Variants in ZNF584 observed in about 807,000 individuals in gnomAD.
ZNF584 encodes the protein zinc finger protein 584.
ZNF584 carries 12 observed loss-of-function variants against 14.7 expected under a neutral mutation model. The observed-to-expected ratio is 0.82, with a 90% CI of 0.52 to 1.32. The LOEUF (loss-of-function observed/expected upper bound fraction) is 1.32. Among genes scored for constraint, ZNF584 ranks in the 40% most tolerant of loss-of-function variants. ZNF584 has a pLI of 0.00. For missense variants in ZNF584, 478 were observed against 518.8 expected, an observed-to-expected ratio of 0.92 and a Z score of 0.76; for synonymous variants, 204 against 190.9, an observed-to-expected ratio of 1.07 and a Z score of -0.57.
chr19:58,410,232 C>T (rs1161059075), intron 2 of ZNF584, 141 bp downstream of exon 2: 4 of 1,112,786 alleles, frequency 3.6e-6, no homozygotes, highest in Non-Finnish European at 3.7e-6. Context: ...TGGTGGGACT[C>T]GGTGGTGGGA....
At chr19:58,411,654 T>A (rs895513192) in intron 2 of ZNF584, among the ~76,000 whole-genome samples, 2 of 152,178 alleles carry the variant, frequency 1.3e-5, no homozygotes, top group Admixed American at 1.3e-4. Flanking sequence ...GATTGCCTTT[T>A]CTTTTTTTGA....
At chr19:58,413,512 A>ATT (rs766038598) in intron 2 of ZNF584, among the ~76,000 whole-genome samples, 6 of 135,934 alleles carry the variant, frequency 4.4e-5, no homozygotes, top group Non-Finnish European at 3.2e-5. Context: ...TGCCTGGCTA[A>ATT]TTTTTTTTTT....
intron 1 of ZNF584, 45 bp downstream of exon 1, chr19:58,409,210 G>C: frequency 7.1e-7 from 1 of 1,398,770 alleles, no homozygotes; most frequent in Non-Finnish European, 9.4e-7. Context: ...CCACCAGGTG[G>C]GGGGCGGCGT....
chr19:58,408,494 A>G (rs2052495649), upstream of ZNF584: 1 of 151,034 alleles, frequency 6.6e-6, no homozygotes, highest in African/African-American at 2.4e-5. Context: ...CAGCGCCGAA[A>G]GCCGACGCCG....
upstream of ZNF584, chr19:58,404,445 A>G (rs1476211732): frequency 6.4e-6 from 1 of 155,164 alleles, no homozygotes; most frequent in East Asian, 1.9e-4. Flanking sequence ...CTTAAGGAGC[A>G]TGCTGCCTTC....
intron 2 of ZNF584, among the ~76,000 whole-genome samples, chr19:58,410,705 GTA>G (rs1187721284): frequency 2.3e-5 from 1 of 42,830 alleles, no homozygotes; most frequent in Non-Finnish European, 3.8e-5. Flanking sequence ...ATATATATAT[GTA>G]TATATGTGTA....
rs1340373210 is a variant in ZNF584 at position 58,410,557 on chromosome 19, A to ATATATG, written c.169+467_169+468insATATGT. ...TATATATATATATATATATATATAT[A>ATATATG]TGTGTATATATATATGTATATATAT... On this transcript the variant is annotated intron_variant, in intron 2 of 3. Transcript: ENST00000306910. 2.7e-3 allele frequency among the ~76,000 whole-genome samples: 71 copies of ATATATG among 25,992 alleles called. 9 individuals are homozygous for ATATATG. In the East Asian group the frequency reaches 0.035, roughly 13 times the overall value. The allele number at this position is 25,992 out of a possible 152,430, so 17.1% of individuals were successfully genotyped here.
At chr19:58,409,670 C>T (rs1329462238) in intron 1 of ZNF584, among the ~76,000 whole-genome samples, 2 of 152,178 alleles carry the variant, frequency 1.3e-5, no homozygotes, top group Non-Finnish European at 2.9e-5. Flanking sequence ...TCAGTCTGGT[C>T]ACCAACCTGA....
At chr19:58,406,471 G>A (rs1221894943), upstream of ZNF584, 1 of 152,528 alleles carries the variant, frequency 6.6e-6, no homozygotes, top group Admixed American at 6.5e-5. Context: ...AGAAAGAGGG[G>A]ACAGGGTACA....
At chr19:58,412,199 C>G (rs1255653323) in intron 2 of ZNF584, among the ~76,000 whole-genome samples, 1 of 83,934 alleles carries the variant, frequency 1.2e-5, no homozygotes, top group Non-Finnish European at 2.1e-5. Flanking sequence ...CCAGGGTGGT[C>G]TTTTTTTTTT....
chr19:58,416,139 C>T (rs907210489), intron 3 of ZNF584: 3 of 569,776 alleles, frequency 5.3e-6, no homozygotes, highest in African/African-American at 3.7e-5. Context: ...ATCTTGTGCC[C>T]TCATCTCAGT....
rs1221994267 is a variant in ZNF584 at position 58,416,998 on chromosome 19, A to C, written c.480A>C (p.Lys160Asn). The C allele has an allele frequency of 1.2e-6, 2 of 1,611,020 alleles. No homozygotes were observed. Among genetic ancestry groups the C allele is most frequent in the African/African-American group, 2.7e-5 (2 of 74,842 alleles). ...TCCATGTGGCAGAGAAGCTGTTCAA[A>C]TGCAGTGACTGTGGGAAGGTGTTCT... Reference protein sequence around the residue: ...QEVHVAEKLFKCSDCGKVFLK... With the variant: ...QEVHVAEKLFNCSDCGKVFLK... The change falls in exon 4 of 4, where the codon AAA becomes AAC. Residue 160 changes from lysine to asparagine, a missense_variant. This residue lies in a region of ZNF584 where 6 missense variants were observed against 23.5 expected (regional missense o/e 0.26). Coordinates refer to ENST00000306910, the MANE Select transcript of ZNF584 (RefSeq NM_173548.3).
chr19:58,410,557 A>ATATATATATATATATGTG, intron 2 of ZNF584, among the ~76,000 whole-genome samples: 2 of 26,004 alleles, frequency 7.7e-5, no homozygotes, highest in South Asian at 8.1e-4. Flanking sequence ...ATATATATAT[A>ATATATATATATATATGTG]TGTGTATATA....
chr19:58,404,795 TC>T, upstream of ZNF584: 1 of 181,272 alleles, frequency 5.5e-6, no homozygotes, highest in Middle Eastern at 2.5e-3. Flanking sequence ...GCTCCTCATT[TC>T]CCAGTAGGGG....
intron 1 of ZNF584, among the ~76,000 whole-genome samples, chr19:58,402,226 C>G (rs7246468): frequency 0.014 from 2,119 of 152,114 alleles, 44 homozygotes; most frequent in African/African-American, 0.047. Context: ...ACTGGCTCCC[C>G]TGGGGCCCGG....
At position 58,417,012 on chromosome 19, in the gene ZNF584, G is replaced by C; in HGVS notation, c.494G>C (p.Gly165Ala). 1 of 1,610,630 alleles carries C rather than the reference G, an allele frequency of 6.2e-7. No individual in the cohort carries two copies. The highest frequency in any genetic ancestry group is 8.5e-7 in the Non-Finnish European group (1 of 1,177,978). Reference sequence around the variant, plus strand: ...AAGCTGTTCAAATGCAGTGACTGTGGGAAGGTGTTCTTAAAGGCCTTTGCC... The same window carrying C: ...AAGCTGTTCAAATGCAGTGACTGTGCGAAGGTGTTCTTAAAGGCCTTTGCC... ...AEKLFKCSDC[G>A]KVFLKAFALL... The change falls in exon 4 of 4, where the codon GGG (glycine) becomes GCG (alanine). Residue 165 changes from glycine (G) to alanine (A), a missense_variant. Coordinates refer to ENST00000306910, the MANE Select transcript of ZNF584 (RefSeq NM_173548.3).
chr19:58,408,137 G>C (rs987027126), upstream of ZNF584: 1 of 152,324 alleles, frequency 6.6e-6, no homozygotes, highest in Admixed American at 6.5e-5. Context: ...CTGATGACAG[G>C]CATGTACCAT....
At chr19:58,414,642 G>A (rs905868891) in intron 2 of ZNF584, among the ~76,000 whole-genome samples, 3 of 151,764 alleles carry the variant, frequency 2.0e-5, no homozygotes, top group East Asian at 3.9e-4. Context: ...GCGCCCAGCC[G>A]AGGCTTATTT....
chr19:58,402,507 C>T (rs956009237), intron 1 of ZNF584, among the ~76,000 whole-genome samples: 4 of 152,032 alleles, frequency 2.6e-5, no homozygotes, highest in Non-Finnish European at 4.4e-5. Context: ...ATTTACATAC[C>T]ATATAATTTG....
Sources: gnomAD v4.1 joint callset for allele counts (sites outside exome capture counted in the v4.1 genomes callset) on GRCh38, gnomAD v4.1.1 for gene constraint, gnomAD v4.1.1 regional missense constraint, MANE v1.5 for transcripts, NCBI Gene and HGNC (gene_info 2026-07-23, HGNC 2026-07-21) for gene names.